DLC1: variants seen among roughly 807,000 people sequenced by gnomAD.
The protein encoded by DLC1 is DLC1 Rho GTPase activating protein.
Under a neutral mutation model 140.3 loss-of-function variants are expected in DLC1, and 54 were observed. The observed-to-expected ratio is 0.38, with a 90% CI of 0.31 to 0.48. The LOEUF (loss-of-function observed/expected upper bound fraction) is 0.48, where lower values mean the gene tolerates loss of function less well. Ranked by LOEUF, DLC1 falls within the 20% of genes least tolerant of loss-of-function variation. The probability of loss-of-function intolerance (pLI) is 0.96; values close to 1 mark genes in which losing one functional copy is unlikely to be tolerated. For missense variants in DLC1, 2,536 were observed against 1,907.0 expected (o/e 1.33, Z -6.14); for synonymous variants, 986 against 728.1 (o/e 1.35, Z -5.70).
chr8:13,102,653 C>T (rs576846909), intron 8 of DLC1, 137 bp downstream of exon 8: 20 of 758,292 alleles, frequency 2.6e-5, no homozygotes, highest in South Asian at 4.9e-5. Context: ...CAAGTCTAGG[C>T]GATATCATTC....
intron 2 of DLC1, among the ~76,000 whole-genome samples, chr8:13,431,376 G>A (rs907573576): frequency 4.6e-5 from 7 of 150,818 alleles, no homozygotes; most frequent in African/African-American, 1.5e-4. Context: ...CCAGCTACTC[G>A]GGAGGCTGAG....
At chr8:13,313,989 C>T (rs1832775869) in intron 4 of DLC1, among the ~76,000 whole-genome samples, 1 of 152,004 alleles carries the variant, frequency 6.6e-6, no homozygotes, top group Non-Finnish European at 1.5e-5. Flanking sequence ...TTCTGTACGT[C>T]TTGGAGCAGC....
intron 5 of DLC1, among the ~76,000 whole-genome samples, chr8:13,301,908 C>A (rs1478751756): frequency 6.6e-6 from 1 of 152,154 alleles, no homozygotes; most frequent in Non-Finnish European, 1.5e-5. Flanking sequence ...CTGAAACCCT[C>A]CCCTACCCAA....
intron 5 of DLC1, among the ~76,000 whole-genome samples, chr8:13,249,862 C>A (rs981581337): frequency 1.3e-5 from 2 of 152,204 alleles, no homozygotes; most frequent in African/African-American, 4.8e-5. Context: ...TGACAAGTCT[C>A]CACCCAGGTT....
intron 4 of DLC1, among the ~76,000 whole-genome samples, chr8:13,360,184 T>C (rs1671427): frequency 1 from 151,851 of 152,242 alleles, 75,731 homozygotes; most frequent in Middle Eastern, 1. Flanking sequence ...AGATAATACC[T>C]GCCTGGTTGT....
intron 5 of DLC1, among the ~76,000 whole-genome samples, chr8:13,229,400 G>A (rs1358081451): frequency 6.6e-6 from 1 of 152,116 alleles, no homozygotes; most frequent in East Asian, 1.9e-4. Context: ...CATAGAGGCA[G>A]AAAGAAGATT....
At chr8:13,148,200 A>G (rs1823571179) in intron 5 of DLC1, among the ~76,000 whole-genome samples, 1 of 152,040 alleles carries the variant, frequency 6.6e-6, no homozygotes, top group Admixed American at 6.6e-5. Context: ...TCATATTCAC[A>G]GGGGTTTGTT....
At chr8:13,404,809 C>T (rs929978693) in intron 2 of DLC1, among the ~76,000 whole-genome samples, 3 of 151,918 alleles carry the variant, frequency 2.0e-5, no homozygotes, top group Non-Finnish European at 4.4e-5. Flanking sequence ...ACCAGCCTGG[C>T]CAACATGGTG....
At chr8:13,604,222 C>T (rs1805975085) in intron 1 of DLC1, among the ~76,000 whole-genome samples, 1 of 152,080 alleles carries the variant, frequency 6.6e-6, no homozygotes, top group South Asian at 2.1e-4. Context: ...GAAATCATCT[C>T]TCCAAAAAAT....
rs1308918332 is a variant in DLC1, at chr8:13,141,293, C to T, written c.1349-25636G>A. On this transcript the variant is annotated intron_variant, in intron 5 of 17. Coordinates refer to ENST00000276297, the MANE Select transcript of DLC1 (RefSeq NM_182643.3). Reference sequence around the variant, plus strand: ...AAAAAAAAAAAAAAAAAGCCAGCTGCTAAAAAGCTAGCAGAGATCTAAGGG... The same window carrying T: ...AAAAAAAAAAAAAAAAAGCCAGCTGTTAAAAAGCTAGCAGAGATCTAAGGG... 3.6e-5 allele frequency among the ~76,000 whole-genome samples: 4 copies of T among 110,196 alleles called. No homozygotes were observed. In the East Asian group the frequency reaches 8.9e-4, roughly 24 times the overall value. 72.3% of individuals were successfully genotyped at this position (110,196 alleles called of 152,430 possible). A position where few individuals can be genotyped will look rare whatever the true frequency, so the allele number is the denominator to read the frequency against.
chr8:13,224,416 G>A (rs1828695431), intron 5 of DLC1, among the ~76,000 whole-genome samples: 2 of 152,106 alleles, frequency 1.3e-5, no homozygotes, highest in Admixed American at 6.6e-5. Flanking sequence ...TTTATTAAGG[G>A]CTTGAGAATC....
intron 2 of DLC1, among the ~76,000 whole-genome samples, chr8:13,442,953 C>A (rs912816258): frequency 6.6e-6 from 1 of 152,066 alleles, no homozygotes; most frequent in Non-Finnish European, 1.5e-5. Context: ...TGGAACCAAC[C>A]CAAATGTCCA....
At chr8:13,140,002 T>G (rs1822855290) in intron 5 of DLC1, among the ~76,000 whole-genome samples, 1 of 152,138 alleles carries the variant, frequency 6.6e-6, no homozygotes, top group Non-Finnish European at 1.5e-5. Flanking sequence ...CCGTTATCCA[T>G]CTCCAGAACT....
chr8:13,139,185 G>A (rs1822784681), intron 5 of DLC1, among the ~76,000 whole-genome samples: 1 of 150,644 alleles, frequency 6.6e-6, no homozygotes, highest in African/African-American at 2.4e-5. Flanking sequence ...AGCTACTTGG[G>A]AGGCTGAGGA....
intron 1 of DLC1, among the ~76,000 whole-genome samples, chr8:13,575,424 T>C (rs1804804362): frequency 6.6e-6 from 1 of 152,010 alleles, no homozygotes. Flanking sequence ...ATGGCTTTTA[T>C]TATAATTAGG....
At chr8:13,116,619 T>C (rs556854799) in intron 5 of DLC1, among the ~76,000 whole-genome samples, 1 of 152,344 alleles carries the variant, frequency 6.6e-6, no homozygotes, top group East Asian at 1.9e-4. Context: ...TAATAGTTCA[T>C]ATCAGAAGTG....
At chr8:13,199,676 C>T (rs541056626) in intron 5 of DLC1, among the ~76,000 whole-genome samples, 4 of 152,112 alleles carry the variant, frequency 2.6e-5, no homozygotes, top group Non-Finnish European at 4.4e-5. Flanking sequence ...ATGGCTTCTT[C>T]ATAAGATGGT....
intron 5 of DLC1, among the ~76,000 whole-genome samples, chr8:13,156,436 T>C (rs919210860): frequency 1.3e-5 from 2 of 152,240 alleles, no homozygotes; most frequent in African/African-American, 4.8e-5. Flanking sequence ...TAGCTCTCAC[T>C]ATGCTTTACA....
chr8:13,376,362 A>T (rs565877019), intron 4 of DLC1, among the ~76,000 whole-genome samples: 4 of 152,152 alleles, frequency 2.6e-5, no homozygotes, highest in African/African-American at 7.2e-5. Context: ...TCCTTCCTCT[A>T]TTCCTCTAAG....
Sources: gnomAD v4.1 joint callset for allele counts (sites outside exome capture counted in the v4.1 genomes callset) on GRCh38, gnomAD v4.1.1 for gene constraint, MANE v1.5 for transcripts, NCBI Gene and HGNC (gene_info 2026-07-23, HGNC 2026-07-21) for gene names.